Variants in MYO5B observed in about 807,000 individuals in gnomAD.
The protein encoded by MYO5B is unconventional myosin-Vb.
A neutral mutation model predicts 229.3 loss-of-function variants in MYO5B; 143 were observed. That is an observed-to-expected ratio of 0.62 (90% confidence interval 0.54 to 0.72). MYO5B has a LOEUF of 0.72. Ranked by LOEUF, MYO5B falls within the 30% of genes least tolerant of loss-of-function variation. The probability of loss-of-function intolerance (pLI) is 0.00; values close to 1 mark genes in which losing one functional copy is unlikely to be tolerated. For missense variants in MYO5B, 2,321 were observed against 2,331.0 expected (o/e 1.00, Z 0.09); for synonymous variants, 918 against 885.2 (o/e 1.04, Z -0.66).
At chr18:50,161,401 A>G (rs2032763268) in intron 1 of MYO5B, among the ~76,000 whole-genome samples, 1 of 152,082 alleles carries the variant, frequency 6.6e-6, no homozygotes, top group East Asian at 1.9e-4. Context: ...CAAAACACAC[A>G]AAACCATGAA....
At chr18:49,931,855 T>G (rs1226266443) in intron 16 of MYO5B, among the ~76,000 whole-genome samples, 1 of 152,148 alleles carries the variant, frequency 6.6e-6, no homozygotes, top group African/African-American at 2.4e-5. Flanking sequence ...AGGCATCCTG[T>G]GGCCTGCAGA....
chr18:49,998,187 C>T (rs2026010408), intron 5 of MYO5B, among the ~76,000 whole-genome samples: 1 of 152,160 alleles, frequency 6.6e-6, no homozygotes. Context: ...TTCTCTCAAA[C>T]ATAACACTTA....
intron 1 of MYO5B, among the ~76,000 whole-genome samples, chr18:50,084,944 C>T (rs1010086686): frequency 1.2e-4 from 18 of 151,986 alleles, no homozygotes; most frequent in Admixed American, 3.9e-4. Context: ...CATGTTAGAC[C>T]TAAAACCATA....
intron 29 of MYO5B, among the ~76,000 whole-genome samples, chr18:49,857,221 G>A (rs1295296490): frequency 6.6e-6 from 1 of 152,248 alleles, no homozygotes; most frequent in African/African-American, 2.4e-5. Context: ...CAAGGCAGCA[G>A]TGTGGGTAGT....
At chr18:50,172,933 T>C (rs1355769668) in intron 1 of MYO5B, among the ~76,000 whole-genome samples, 3 of 152,200 alleles carry the variant, frequency 2.0e-5, no homozygotes, top group African/African-American at 7.2e-5. Flanking sequence ...GCAAAGGCAC[T>C]GAGGTGGCCA....
At chr18:49,926,744 A>T (rs564989111) in intron 17 of MYO5B, among the ~76,000 whole-genome samples, 2 of 152,358 alleles carry the variant, frequency 1.3e-5, no homozygotes, top group South Asian at 4.1e-4. Context: ...TTCCCACCAC[A>T]GATTTCATTC....
intron 39 of MYO5B, among the ~76,000 whole-genome samples, chr18:49,829,955 C>T (rs1364760164): frequency 6.6e-6 from 1 of 152,144 alleles, no homozygotes; most frequent in Non-Finnish European, 1.5e-5. Context: ...CCACATTTAA[C>T]ATCACAAATA....
At chr18:50,081,604 T>C (rs930851231) in intron 1 of MYO5B, among the ~76,000 whole-genome samples, 2 of 152,212 alleles carry the variant, frequency 1.3e-5, no homozygotes, top group Non-Finnish European at 2.9e-5. Context: ...GATTTCAGTG[T>C]TTTGTGTTTG....
intron 2 of MYO5B, 97 bp from the exon 3 acceptor site, chr18:50,040,411 A>C: frequency 8.6e-7 from 1 of 1,167,682 alleles, no homozygotes; most frequent in South Asian, 1.2e-5. Context: ...CCATCTTAAC[A>C]TGATAGTAAG....
intron 8 of MYO5B, among the ~76,000 whole-genome samples, chr18:49,983,582 T>C (rs944622593): frequency 2.0e-5 from 3 of 152,224 alleles, no homozygotes; most frequent in Admixed American, 2.0e-4. Flanking sequence ...CTGCCAGGAA[T>C]AGCAGATGTT....
intron 1 of MYO5B, among the ~76,000 whole-genome samples, chr18:50,087,337 C>T (rs906808270): frequency 7.2e-5 from 11 of 151,930 alleles, no homozygotes; most frequent in African/African-American, 2.4e-4. Flanking sequence ...TTTGGGAGGC[C>T]GAGGCGGGTA....
chr18:49,875,197 C>A (rs4939599), intron 26 of MYO5B, among the ~76,000 whole-genome samples: 1 of 151,890 alleles, frequency 6.6e-6, no homozygotes, highest in Non-Finnish European at 1.5e-5. Flanking sequence ...CTTTCTAGAC[C>A]CAAGAGGCTG....
chr18:49,897,508 T>C (rs1038927183), intron 21 of MYO5B, among the ~76,000 whole-genome samples: 2 of 152,220 alleles, frequency 1.3e-5, no homozygotes, highest in Non-Finnish European at 2.9e-5. Context: ...GTATATAAAA[T>C]GTTTTGATAG....
chr18:49,990,292 ATTT>A, intron 7 of MYO5B, 144 bp downstream of exon 7: 2 of 682,622 alleles, frequency 2.9e-6, no homozygotes. Flanking sequence ...GAGCAGTGAA[ATTT>A]AGAGAGGCCT....
intron 2 of MYO5B, among the ~76,000 whole-genome samples, chr18:50,043,350 A>G (rs9952593): frequency 1.2e-4 from 10 of 82,854 alleles, no homozygotes; most frequent in African/African-American, 4.3e-4. Flanking sequence ...TATATTATAT[A>G]TAATATAAAT....
In MYO5B at chr18:50,060,431, A is replaced by G. The variant is rs559949103; in HGVS notation, c.28-5053T>C. ...CCACTACCAGATTTACTATAAGCCAACAGACTATAAGACAGACAAACTCAC... is the reference window on the plus strand; with the variant it reads ...CCACTACCAGATTTACTATAAGCCAGCAGACTATAAGACAGACAAACTCAC... On this transcript the variant is annotated intron_variant, in intron 1 of 39. Coordinates refer to ENST00000285039, the MANE Select transcript of MYO5B (RefSeq NM_001080467.3). 3.5e-4 allele frequency among the ~76,000 whole-genome samples: 54 copies of G among 152,344 alleles called. No individual in the cohort carries two copies. The South Asian group carries it at 0.011, about 31-fold the overall frequency.
intron 5 of MYO5B, among the ~76,000 whole-genome samples, chr18:49,994,825 C>G (rs1013055602): frequency 1.3e-5 from 2 of 152,228 alleles, no homozygotes; most frequent in African/African-American, 4.8e-5. Context: ...GAGCCAATTT[C>G]TACTTGAAAA....
In MYO5B at chr18:49,825,628, C is replaced by T. The variant is rs2023833567; in HGVS notation, c.*843G>A. ...TTGGTTTTTACATCTATAAATAAAA[C>T]AAGTTTGTTATCCGTTTCTAATATT... On this transcript the variant is annotated 3_prime_UTR_variant, in exon 40 of 40. Transcript: ENST00000285039. 6.6e-6 allele frequency: 1 copy of T among 152,140 alleles called. No homozygotes were observed. Among genetic ancestry groups the T allele is most frequent in the African/African-American group, 2.4e-5 (1 of 41,438 alleles). 9.4% of individuals were successfully genotyped at this position (152,140 alleles called of 1,614,324 possible). A position where few individuals can be genotyped will look rare whatever the true frequency, so the allele number is the denominator to read the frequency against.
chr18:49,965,144 G>A (rs529052788), intron 10 of MYO5B, among the ~76,000 whole-genome samples: 1 of 152,182 alleles, frequency 6.6e-6, no homozygotes, highest in East Asian at 1.9e-4. Flanking sequence ...AGGGCCTGAC[G>A]TACACTGCTG....
Sources: gnomAD v4.1 joint callset for allele counts (sites outside exome capture counted in the v4.1 genomes callset) on GRCh38, gnomAD v4.1.1 for gene constraint, MANE v1.5 for transcripts, NCBI Gene and HGNC (gene_info 2026-07-23, HGNC 2026-07-21) for gene names.